Variants in MARCHF1 observed in about 807,000 individuals in gnomAD.
MARCHF1 encodes the protein E3 ubiquitin-protein ligase MARCHF1.
A neutral mutation model predicts 54.2 loss-of-function variants in MARCHF1; 40 were observed. That is an observed-to-expected ratio of 0.74 (90% CI 0.57 to 0.96). The LOEUF (loss-of-function observed/expected upper bound fraction) is 0.96, where lower values mean the gene tolerates loss of function less well. Among genes scored for constraint, MARCHF1 ranks in the 40% least tolerant of loss-of-function variants. The pLI is 0.00. For synonymous variants in MARCHF1, 236 were observed against 236.3 expected, an observed-to-expected ratio of 1.00 and a Z score of 0.01; for missense variants, 586 against 656.5, an observed-to-expected ratio of 0.89 and a Z score of 1.17.
chr4:164,075,846 C>T (rs543370041), intron 2 of MARCHF1, among the ~76,000 whole-genome samples: 3 of 152,104 alleles, frequency 2.0e-5, no homozygotes, highest in Non-Finnish European at 4.4e-5. Context: ...ATGGCATGAA[C>T]TGAACCTATC....
intron 2 of MARCHF1, among the ~76,000 whole-genome samples, chr4:164,061,823 CT>C (rs1350453417): frequency 6.6e-6 from 1 of 152,120 alleles, no homozygotes; most frequent in African/African-American, 2.4e-5. Flanking sequence ...GAGTTTCAAT[CT>C]TTTTGCTGGT....
chr4:164,366,683 C>T (rs1015014455), intron 1 of MARCHF1, among the ~76,000 whole-genome samples: 7 of 151,226 alleles, frequency 4.6e-5, no homozygotes, highest in African/African-American at 1.7e-4. Context: ...TCATTTTTTC[C>T]AGTTAGCTAT....
chr4:163,821,877 A>G (rs1337550831), intron 4 of MARCHF1, among the ~76,000 whole-genome samples: 1 of 151,718 alleles, frequency 6.6e-6, no homozygotes, highest in African/African-American at 2.4e-5. Flanking sequence ...CTATCTGTGG[A>G]TTTGGTGTCA....
chr4:163,949,289 C>A (rs1752083882), intron 3 of MARCHF1, among the ~76,000 whole-genome samples: 1 of 152,224 alleles, frequency 6.6e-6, no homozygotes, highest in African/African-American at 2.4e-5. Context: ...ACCAGGAGCA[C>A]TGCAAACGGC....
At chr4:163,682,261 C>A (rs765056844) in intron 5 of MARCHF1, among the ~76,000 whole-genome samples, 1 of 152,088 alleles carries the variant, frequency 6.6e-6, no homozygotes, top group Non-Finnish European at 1.5e-5. Flanking sequence ...GGAAACAGAG[C>A]ATGAAAGTTT....
At chr4:163,829,846 G>A (rs143338346) in intron 4 of MARCHF1, among the ~76,000 whole-genome samples, 23 of 152,292 alleles carry the variant, frequency 1.5e-4, no homozygotes, top group Non-Finnish European at 1.2e-4. Flanking sequence ...AGGCCTCACT[G>A]TATACAGGAG....
chr4:163,659,463 G>A (rs987368657), intron 5 of MARCHF1, among the ~76,000 whole-genome samples: 11 of 151,822 alleles, frequency 7.2e-5, no homozygotes, highest in African/African-American at 2.4e-4. Context: ...GAAGAAAACC[G>A]AGGCAGTACC....
At chr4:164,341,826 C>T (rs1288389138) in intron 1 of MARCHF1, among the ~76,000 whole-genome samples, 4 of 152,130 alleles carry the variant, frequency 2.6e-5, no homozygotes, top group African/African-American at 4.8e-5. Context: ...GACTATAGCA[C>T]CTGTTTGCAA....
At chr4:163,896,679 T>C (rs909077242) in intron 3 of MARCHF1, among the ~76,000 whole-genome samples, 1 of 152,162 alleles carries the variant, frequency 6.6e-6, no homozygotes, top group African/African-American at 2.4e-5. Flanking sequence ...CTATCTCTTA[T>C]CCTGGCAATA....
intron 1 of MARCHF1, among the ~76,000 whole-genome samples, chr4:164,210,891 C>T (rs530507648): frequency 1.3e-5 from 2 of 152,108 alleles, no homozygotes; most frequent in African/African-American, 4.8e-5. Context: ...GAAAGAAATA[C>T]TATCATTTAT....
intron 2 of MARCHF1, among the ~76,000 whole-genome samples, chr4:164,050,253 C>T (rs183978201): frequency 1.7e-4 from 19 of 111,438 alleles, no homozygotes; most frequent in East Asian, 3.2e-4. Flanking sequence ...CCAGCCTGGG[C>T]GACGGAGCGA....
At chr4:164,379,928 C>G (rs1265796688) in intron 1 of MARCHF1, among the ~76,000 whole-genome samples, 1 of 151,150 alleles carries the variant, frequency 6.6e-6, no homozygotes, top group African/African-American at 2.4e-5. Flanking sequence ...ACCTGGGTGA[C>G]AGAGTGAGGC....
chr4:163,593,174 T>C (rs1740647347), intron 7 of MARCHF1, among the ~76,000 whole-genome samples: 1 of 152,192 alleles, frequency 6.6e-6, no homozygotes, highest in African/African-American at 2.4e-5. Context: ...ATAGATAATA[T>C]ATATTGAACG....
intron 1 of MARCHF1, among the ~76,000 whole-genome samples, chr4:164,222,726 G>T (rs1199164347): frequency 1.3e-5 from 2 of 152,004 alleles, no homozygotes; most frequent in Non-Finnish European, 2.9e-5. Context: ...TATATATTTT[G>T]ATGGTAGTTT....
intron 7 of MARCHF1, among the ~76,000 whole-genome samples, chr4:163,602,813 G>GA (rs1459639082): frequency 6.6e-6 from 1 of 151,654 alleles, no homozygotes; most frequent in Non-Finnish European, 1.5e-5. Context: ...TTTTTGTACA[G>GA]AAAAAATAAT....
At chr4:164,106,679 G>T (rs1421152565) in intron 2 of MARCHF1, among the ~76,000 whole-genome samples, 5 of 148,742 alleles carry the variant, frequency 3.4e-5, no homozygotes, top group Middle Eastern at 3.5e-3. Flanking sequence ...TGACGAGTTA[G>T]TGGGTGCAGC....
At chr4:163,552,690 G>A (rs921140649) in intron 8 of MARCHF1, among the ~76,000 whole-genome samples, 79 of 152,124 alleles carry the variant, frequency 5.2e-4, no homozygotes, top group African/African-American at 1.7e-3. Flanking sequence ...GGAATGAACC[G>A]TGCAGCTGTG....
intron 2 of MARCHF1, among the ~76,000 whole-genome samples, chr4:164,101,868 A>C (rs1755570585): frequency 6.6e-6 from 1 of 152,044 alleles, no homozygotes; most frequent in East Asian, 1.9e-4. Context: ...ACTTTGAAAA[A>C]AAATTTAGAA....
intron 1 of MARCHF1, among the ~76,000 whole-genome samples, chr4:164,145,147 C>A (rs1339821940): frequency 6.6e-6 from 1 of 150,932 alleles, no homozygotes; most frequent in East Asian, 2.0e-4. Flanking sequence ...CTGAATAGAC[C>A]AATAACAGGA....
Sources: gnomAD v4.1 joint callset for allele counts (sites outside exome capture counted in the v4.1 genomes callset) on GRCh38, gnomAD v4.1.1 for gene constraint, MANE v1.5 for transcripts, NCBI Gene and HGNC (gene_info 2026-07-23, HGNC 2026-07-21) for gene names.